Variants in PLA2G12A observed in about 807,000 individuals in gnomAD.
PLA2G12A encodes the protein group XIIA secretory phospholipase A2.
PLA2G12A carries 11 observed loss-of-function variants against 16.0 expected under a neutral mutation model. That is an observed-to-expected ratio of 0.69 (90% CI 0.43 to 1.13). The LOEUF (loss-of-function observed/expected upper bound fraction) is 1.13. Ranked by LOEUF, PLA2G12A falls within the 50% of genes most tolerant of loss-of-function variation. The pLI is 0.00. For missense variants in PLA2G12A, 214 were observed against 237.3 expected (o/e 0.90, Z 0.65); for synonymous variants, 77 against 93.8 (o/e 0.82, Z 1.03).
rs115724479 is a variant in PLA2G12A, at chr4:109,729,867, G to T, written c.-58C>A. ...CCGCGGCGCGGGGCGCGTCCCCACA[G>T]AGTCCCCAGGACGCGCTAGGCAGCG... On this transcript the variant is annotated 5_prime_UTR_variant, in exon 1 of 4. The change creates a new upstream start codon in the 5' untranslated region. Coordinates refer to ENST00000243501, the MANE Select transcript of PLA2G12A (RefSeq NM_030821.5). 2.7e-6 allele frequency: 4 copies of T among 1,461,790 alleles called. No individual in the cohort carries two copies. The East Asian group carries it at 7.5e-5, about 28-fold the overall frequency. The allele number at this position is 1,461,790 out of a possible 1,614,324, so 90.6% of individuals were successfully genotyped here. A position where few individuals can be genotyped will look rare whatever the true frequency, so the allele number is the denominator to read the frequency against.
At chr4:109,719,101 T>C (rs1426014697) in intron 1 of PLA2G12A, among the ~76,000 whole-genome samples, 1 of 152,230 alleles carries the variant, frequency 6.6e-6, no homozygotes, top group Non-Finnish European at 1.5e-5. Flanking sequence ...ATAGGGTTCA[T>C]ATGTATGAAA....
chr4:109,712,636 A>G lies in PLA2G12A; in HGVS notation c.*1741T>C, dbSNP rs1353870495. The G allele has an allele frequency of 1.3e-5, 2 of 152,116 alleles. No individual in the cohort carries two copies. Among genetic ancestry groups the G allele is most frequent in the Admixed American group, 6.5e-5 (1 of 15,274 alleles). The allele number at this position is 152,116 out of a possible 1,614,324, so 9.4% of individuals were successfully genotyped here. A position where few individuals can be genotyped will look rare whatever the true frequency, so the allele number is the denominator to read the frequency against. On this transcript the variant is annotated 3_prime_UTR_variant, in exon 4 of 4. Transcript: ENST00000243501. ...CTCAGCTTCCTGAGTAGCTGAGACT[A>G]TAAGCATGCGCCACCACGCCCGGCA...
At chr4:109,724,935 G>A (rs535659547) in intron 1 of PLA2G12A, among the ~76,000 whole-genome samples, 14 of 152,202 alleles carry the variant, frequency 9.2e-5, no homozygotes, top group African/African-American at 1.7e-4. Context: ...AGTGTAAATG[G>A]CAAAAGGGGC....
intron 1 of PLA2G12A, among the ~76,000 whole-genome samples, chr4:109,723,960 T>G (rs531675149): frequency 2.4e-4 from 36 of 152,334 alleles, no homozygotes; most frequent in African/African-American, 8.4e-4. Context: ...GTTTATCCTA[T>G]GTTTCCAACT....
intron 3 of PLA2G12A, 49 bp downstream of exon 3, chr4:109,717,499 T>C: frequency 6.5e-7 from 1 of 1,545,920 alleles, no homozygotes; most frequent in South Asian, 1.1e-5. Context: ...GAGCATTTGA[T>C]ACAACTTTAA....
At chr4:109,718,780 A>T (rs1280212299) in intron 1 of PLA2G12A, 21 bp from the exon 2 acceptor site, 8 of 1,484,602 alleles carry the variant, frequency 5.4e-6, no homozygotes, top group Non-Finnish European at 7.3e-6. Context: ...TAATGGTATC[A>T]TAATTAATTT....
rs1730727262 is a variant in PLA2G12A at position 109,711,415 on chromosome 4, A to ATCC, written c.*2961_*2962insGGA. ...TCTAGGGTTGGGGCAGGGAATATCC[A>ATCC]AGATGAACCTGGAGCATCTTGTAGT... is the stretch of plus-strand genomic sequence containing the variant. On this transcript the variant is annotated 3_prime_UTR_variant, in exon 4 of 4. Coordinates refer to ENST00000243501, the MANE Select transcript of PLA2G12A (RefSeq NM_030821.5). 9 of 152,252 alleles carry ATCC rather than the reference A, an allele frequency of 5.9e-5. No homozygotes were observed. Among genetic ancestry groups the ATCC allele is most frequent in the Non-Finnish European group, 1.2e-4 (8 of 68,034 alleles). 9.4% of individuals were successfully genotyped at this position (152,252 alleles called of 1,614,324 possible).
chr4:109,714,353 T>G lies in PLA2G12A; in HGVS notation c.*24A>C, dbSNP rs374032077. The G allele has an allele frequency of 1.4e-4, 190 of 1,398,524 alleles. 1 individual carries two copies. The highest frequency in any genetic ancestry group is 1.9e-4 in the Non-Finnish European group (182 of 983,458). The allele number at this position is 1,398,524 out of a possible 1,614,324, so 86.6% of individuals were successfully genotyped here. Reference sequence around the variant, plus strand: ...AAAGGTATGTTCTTCCATCTTCATCTGTCACTAGCTGTCGGCATCTCCTTT... The same window carrying G: ...AAAGGTATGTTCTTCCATCTTCATCGGTCACTAGCTGTCGGCATCTCCTTT... On this transcript the variant is annotated 3_prime_UTR_variant, in exon 4 of 4. Coordinates refer to ENST00000243501, the MANE Select transcript of PLA2G12A (RefSeq NM_030821.5).
chr4:109,717,768 G>A lies in PLA2G12A; in HGVS notation c.286-55C>T. 4 of 1,519,616 alleles carry A rather than the reference G, an allele frequency of 2.6e-6. No homozygotes were observed. In the South Asian group the frequency reaches 4.6e-5, roughly 18 times the overall value. 94.1% of individuals were successfully genotyped at this position (1,519,616 alleles called of 1,614,324 possible). ...CAATGAAATGCAAAACTCCTCTGAA[G>A]TACTGCATTCAAATAGACTAAATAG... is the stretch of plus-strand genomic sequence containing the variant. On this transcript the variant is annotated intron_variant, in intron 2 of 3. Transcript: ENST00000243501.
intron 3 of PLA2G12A, among the ~76,000 whole-genome samples, chr4:109,716,122 C>T (rs980063343): frequency 3.3e-5 from 5 of 152,212 alleles, no homozygotes; most frequent in African/African-American, 1.2e-4. Flanking sequence ...ATAAATCTAT[C>T]TATGCTTCAG....
intron 2 of PLA2G12A, among the ~76,000 whole-genome samples, 188 bp from the exon 3 acceptor site, chr4:109,717,901 G>A (rs555645505): frequency 6.6e-6 from 1 of 152,222 alleles, no homozygotes; most frequent in African/African-American, 2.4e-5. Context: ...ACCCACCCAT[G>A]TTACTCTCTC....
At chr4:109,726,931 C>CTTT (rs34683356) in intron 1 of PLA2G12A, among the ~76,000 whole-genome samples, 13 of 140,056 alleles carry the variant, frequency 9.3e-5, no homozygotes, top group African/African-American at 3.2e-4. Flanking sequence ...TTAACTCACT[C>CTTT]TTTTTTTTTT....
intron 1 of PLA2G12A, among the ~76,000 whole-genome samples, chr4:109,721,546 T>G (rs1261679855): frequency 6.6e-6 from 1 of 152,112 alleles, no homozygotes; most frequent in African/African-American, 2.4e-5. Flanking sequence ...CGTCTCAAAC[T>G]CCTGACCTCG....
intron 1 of PLA2G12A, among the ~76,000 whole-genome samples, chr4:109,720,587 AAAAAAAAAAAAAAAAAAAT>A (rs1264201584): frequency 5.9e-5 from 3 of 50,630 alleles, no homozygotes; most frequent in South Asian, 9.0e-4. Flanking sequence ...AAAAAAAAAA[AAAAAAAAAAAAAAAAAAAT>A]ATATATATAT....
chr4:109,724,657 C>T lies in PLA2G12A; in HGVS notation c.208+4945G>A, dbSNP rs542660994. Among the ~76,000 whole-genome samples, 10 of 152,186 alleles carry T rather than the reference C, an allele frequency of 6.6e-5. No individual in the cohort carries two copies. In the East Asian group the frequency reaches 1.9e-3, roughly 29 times the overall value. ...AATTACCTTTGAATGGGAGAATGAT[C>T]AGACACAAATGAAGTCAGAAAAACT... On this transcript the variant is annotated intron_variant, in intron 1 of 3. Coordinates refer to ENST00000243501, the MANE Select transcript of PLA2G12A (RefSeq NM_030821.5).
intron 3 of PLA2G12A, among the ~76,000 whole-genome samples, chr4:109,716,745 C>T (rs550011304): frequency 1.1e-4 from 16 of 152,264 alleles, no homozygotes; most frequent in South Asian, 4.1e-4. Flanking sequence ...TGCTGAGTCC[C>T]GTGAGTCCTC....
chr4:109,727,789 G>A (rs1027052884), intron 1 of PLA2G12A, among the ~76,000 whole-genome samples: 3 of 152,060 alleles, frequency 2.0e-5, no homozygotes, highest in African/African-American at 7.2e-5. Flanking sequence ...CACAGAGGGA[G>A]ACCTTGCCTC....
intron 3 of PLA2G12A, among the ~76,000 whole-genome samples, chr4:109,717,344 G>A (rs1245474266): frequency 6.6e-6 from 1 of 152,034 alleles, no homozygotes; most frequent in Admixed American, 6.5e-5. Context: ...CTCTCCCAAG[G>A]TTTCCTAATG....
chr4:109,722,835 A>T (rs540612185), intron 1 of PLA2G12A, among the ~76,000 whole-genome samples: 2 of 152,316 alleles, frequency 1.3e-5, no homozygotes, highest in East Asian at 3.9e-4. Context: ...GAAAGCAGAC[A>T]TTTTTGTGTT....
Sources: allele counts gnomAD v4.1 joint callset (sites outside exome capture counted in the v4.1 genomes callset), GRCh38; gene constraint gnomAD v4.1.1; transcripts MANE v1.5; gene names NCBI Gene and HGNC (gene_info 2026-07-23, HGNC 2026-07-21).